Variants in ADGRD1 observed in about 807,000 individuals in gnomAD.
ADGRD1 encodes the protein G-protein coupled receptor 133.
In ADGRD1, 77 loss-of-function variants were observed where a neutral mutation model predicts 113.4. The observed-to-expected ratio is 0.68, with a 90% CI of 0.57 to 0.82. The LOEUF (loss-of-function observed/expected upper bound fraction) is 0.82, where lower values mean the gene tolerates loss of function less well. ADGRD1 is among the 40% of genes least tolerant of loss of function. The pLI, the probability that ADGRD1 is intolerant of heterozygous loss-of-function variation, is 0.00. For missense variants in ADGRD1, 1,036 were observed against 1,139.1 expected, an observed-to-expected ratio of 0.91 and a Z score of 1.30; for synonymous variants, 474 against 475.0, an observed-to-expected ratio of 1.00 and a Z score of 0.03.
chr12:131,032,166 C>T (rs1470211317), intron 13 of ADGRD1, among the ~76,000 whole-genome samples: 1 of 149,244 alleles, frequency 6.7e-6, no homozygotes, highest in Non-Finnish European at 1.5e-5. Context: ...ACACAGGGCT[C>T]CCCCAGGCTC....
chr12:131,102,287 C>A (rs181274024), intron 15 of ADGRD1, among the ~76,000 whole-genome samples: 1 of 152,322 alleles, frequency 6.6e-6, no homozygotes, highest in Admixed American at 6.5e-5. Context: ...CTTGGCCCGT[C>A]GGTCTGCAGG....
At chr12:131,123,064 T>G (rs1181445903) in intron 20 of ADGRD1, among the ~76,000 whole-genome samples, 78 of 137,140 alleles carry the variant, frequency 5.7e-4, no homozygotes, top group Admixed American at 2.3e-3. Context: ...TTTTTTTTTT[T>G]TTTTTTTTTG....
Position 131,026,380 on chromosome 12 carries a change from T to C in ADGRD1, c.1473+12040T>C, listed in dbSNP as rs182060961. The stretch of plus-strand genomic sequence containing the variant: ...GTCCTTTGCCACTGACGTCAGCCCT[T>C]TGCCACTGACGTCAGCAATCGTCTG... On this transcript the variant is annotated intron_variant, in intron 13 of 24. Coordinates refer to ENST00000261654, the MANE Select transcript of ADGRD1 (RefSeq NM_198827.5). The C allele has an allele frequency of 1.3e-4, 20 of 152,140 alleles. 1 individual carries two copies. Among genetic ancestry groups the C allele is most frequent in the African/African-American group, 4.8e-4 (20 of 41,542 alleles). 9.4% of individuals were successfully genotyped at this position (152,140 alleles called of 1,614,324 possible).
chr12:131,127,231 G>A (rs1384285218), intron 20 of ADGRD1, among the ~76,000 whole-genome samples: 2 of 152,190 alleles, frequency 1.3e-5, no homozygotes, highest in African/African-American at 2.4e-5. Context: ...GCATCTTAAC[G>A]CAAAGCGGTC....
chr12:130,958,367 T>G (rs1869929602), intron 2 of ADGRD1, among the ~76,000 whole-genome samples: 3 of 151,884 alleles, frequency 2.0e-5, no homozygotes, highest in Admixed American at 6.6e-5. Flanking sequence ...GGCTGGCTAA[T>G]TTTTGTATTT....
At chr12:131,052,112 A>G (rs1194054436) in intron 13 of ADGRD1, among the ~76,000 whole-genome samples, 1 of 152,062 alleles carries the variant, frequency 6.6e-6, no homozygotes, top group Non-Finnish European at 1.5e-5. Flanking sequence ...ACCCTCCTTT[A>G]TTACCCCAAG....
intron 2 of ADGRD1, among the ~76,000 whole-genome samples, chr12:130,955,975 C>T (rs1336324569): frequency 6.6e-6 from 1 of 152,042 alleles, no homozygotes; most frequent in African/African-American, 2.4e-5. Context: ...TTTTAGTAGA[C>T]ACAAGGTTTT....
At chr12:131,090,477 A>G (rs1371982742) in intron 15 of ADGRD1, among the ~76,000 whole-genome samples, 1 of 152,010 alleles carries the variant, frequency 6.6e-6, no homozygotes, top group East Asian at 1.9e-4. Context: ...GCTTTTCTCC[A>G]TATCCAGCCT....
intron 9 of ADGRD1, chr12:131,002,853 G>T (rs118009749): frequency 0.017 from 21,190 of 1,249,170 alleles, 272 homozygotes; most frequent in Middle Eastern, 0.046. Flanking sequence ...GGGAGGGTCT[G>T]GGATGTGCTG....
At chr12:131,124,875 C>A (rs1187476881) in intron 20 of ADGRD1, among the ~76,000 whole-genome samples, 1 of 152,202 alleles carries the variant, frequency 6.6e-6, no homozygotes, top group Non-Finnish European at 1.5e-5. Flanking sequence ...TCCCTGGTGT[C>A]TTAGTCTATA....
At chr12:131,030,354 C>T (rs1880556892) in intron 13 of ADGRD1, among the ~76,000 whole-genome samples, 2 of 152,216 alleles carry the variant, frequency 1.3e-5, no homozygotes, top group Admixed American at 1.3e-4. Context: ...AATTAAGAAT[C>T]TGTGGGGAGC....
chr12:130,979,817 T>TCACACACACACACA (rs10526212), intron 4 of ADGRD1, among the ~76,000 whole-genome samples: 996 of 53,798 alleles, frequency 0.019, 4 homozygotes, highest in East Asian at 0.05. Flanking sequence ...AGCTAGTGTC[T>TCACACACACACACA]CACACACACA....
At chr12:131,017,734 G>A (rs535205529) in intron 13 of ADGRD1, among the ~76,000 whole-genome samples, 1 of 140,416 alleles carries the variant, frequency 7.1e-6, no homozygotes, top group African/African-American at 2.7e-5. Flanking sequence ...CACATACCCA[G>A]CACAGACACA....
chr12:131,045,471 C>G (rs1191065774), intron 13 of ADGRD1, among the ~76,000 whole-genome samples: 1 of 151,906 alleles, frequency 6.6e-6, no homozygotes, highest in African/African-American at 2.4e-5. Flanking sequence ...TCAGCGCACG[C>G]CCGGGAGCTG....
At chr12:130,977,530 G>C (rs1872470033) in intron 4 of ADGRD1, 1 of 152,382 alleles carries the variant, frequency 6.6e-6, no homozygotes, top group African/African-American at 2.4e-5. Context: ...GGCTCTTTGG[G>C]AAACGTGGTG....
At chr12:131,039,593 G>A (rs1184487340) in intron 13 of ADGRD1, among the ~76,000 whole-genome samples, 1 of 152,192 alleles carries the variant, frequency 6.6e-6, no homozygotes, top group African/African-American at 2.4e-5. Context: ...GACTCTGAGG[G>A]GGTCACTTGT....
intron 13 of ADGRD1, among the ~76,000 whole-genome samples, chr12:131,020,435 A>T (rs1879197043): frequency 6.6e-6 from 1 of 152,234 alleles, no homozygotes; most frequent in African/African-American, 2.4e-5. Context: ...ATGCATGCCT[A>T]ATAGCACCCC....
chr12:131,130,444 C>T (rs779035470), intron 20 of ADGRD1, among the ~76,000 whole-genome samples: 36 of 152,320 alleles, frequency 2.4e-4, no homozygotes, highest in Non-Finnish European at 3.7e-4. Flanking sequence ...GCACCACTCT[C>T]TCCCAAAGAA....
intron 13 of ADGRD1, among the ~76,000 whole-genome samples, chr12:131,058,198 A>G (rs1884037477): frequency 6.6e-6 from 1 of 152,124 alleles, no homozygotes; most frequent in Non-Finnish European, 1.5e-5. Flanking sequence ...ATTTCATAGC[A>G]TCCCTCCAGA....
Sources: allele counts gnomAD v4.1 joint callset (sites outside exome capture counted in the v4.1 genomes callset), GRCh38; gene constraint gnomAD v4.1.1; transcripts MANE v1.5; gene names NCBI Gene and HGNC (gene_info 2026-07-23, HGNC 2026-07-21).